NBAS: variants seen among roughly 807,000 people sequenced by gnomAD.
The protein encoded by NBAS is NBAS subunit of NRZ tethering complex.
Under a neutral mutation model 302.5 loss-of-function variants are expected in NBAS, and 219 were observed. The ratio of observed to expected loss-of-function variants is 0.72; its 90% CI spans 0.65 to 0.81. The LOEUF (loss-of-function observed/expected upper bound fraction) is 0.81. NBAS is among the 30% of genes least tolerant of loss of function. NBAS has a pLI of 0.00. For missense variants in NBAS, 2,932 were observed against 2,841.6 expected (o/e 1.03, Z -0.72); for synonymous variants, 1,118 against 1,021.6 (o/e 1.09, Z -1.80).
chr2:15,163,818 C>A (rs1401157560), downstream of NBAS, among the ~76,000 whole-genome samples: 1 of 141,882 alleles, frequency 7.0e-6, no homozygotes, highest in African/African-American at 2.7e-5. Context: ...TTTTTTGAGA[C>A]AAGAGTCTCG....
the NBAS span, among the ~76,000 whole-genome samples, chr2:14,912,142 T>A: frequency 3.5e-4 from 53 of 152,248 alleles, no homozygotes; most frequent in South Asian, 0.011. Flanking sequence ...TTGAAACATA[T>A]CTAAACATAG....
At chr2:15,157,644 T>C in the NBAS span, among the ~76,000 whole-genome samples, 1 of 152,178 alleles carries the variant, frequency 6.6e-6, no homozygotes. Context: ...CATCACAAGC[T>C]ACATCAAGCC....
At chr2:14,804,081 T>G in the NBAS span, among the ~76,000 whole-genome samples, 10 of 152,334 alleles carry the variant, frequency 6.6e-5, no homozygotes, top group African/African-American at 2.2e-4. Context: ...ATTTACCTAC[T>G]TGCTAAAATG....
chr2:15,064,371 AG>A, the NBAS span, among the ~76,000 whole-genome samples: 1 of 152,020 alleles, frequency 6.6e-6, no homozygotes, highest in Non-Finnish European at 1.5e-5. Context: ...AAGAGATCAC[AG>A]GACTACTATG....
the NBAS span, among the ~76,000 whole-genome samples, chr2:14,859,832 G>A: frequency 6.6e-6 from 1 of 151,724 alleles, no homozygotes. Context: ...CAGACAAATG[G>A]GATTACATCA....
chr2:15,139,501 GGTGTGTGT>G, the NBAS span, among the ~76,000 whole-genome samples: 1 of 148,544 alleles, frequency 6.7e-6, no homozygotes, highest in East Asian at 2.0e-4. Context: ...TTTAGTGTAT[GGTGTGTGT>G]GTGTGTGTGT....
At chr2:15,329,788 G>C (rs190499951) in intron 36 of NBAS, among the ~76,000 whole-genome samples, 1 of 152,116 alleles carries the variant, frequency 6.6e-6, no homozygotes, top group African/African-American at 2.4e-5. Flanking sequence ...ATCTCTGCTC[G>C]AAGTGACTCC....
chr2:15,269,056 C>G (rs1348111499), intron 44 of NBAS, among the ~76,000 whole-genome samples: 4 of 152,084 alleles, frequency 2.6e-5, no homozygotes, highest in Non-Finnish European at 5.9e-5. Context: ...TGGTTCTCAG[C>G]TGAAACAAAA....
chr2:15,309,744 CAAAAAG>C (rs1671195313), intron 38 of NBAS, among the ~76,000 whole-genome samples: 1 of 152,202 alleles, frequency 6.6e-6, no homozygotes, highest in African/African-American at 2.4e-5. Context: ...TCACGCTCCA[CAAAAAG>C]AAAATCAGTC....
chr2:14,820,859 G>T, the NBAS span, among the ~76,000 whole-genome samples: 3 of 152,112 alleles, frequency 2.0e-5, no homozygotes, highest in African/African-American at 7.2e-5. Flanking sequence ...GGCACAAGTG[G>T]CCAGGCCAGG....
At chr2:15,278,830 AT>A (rs1669703357) in intron 42 of NBAS, among the ~76,000 whole-genome samples, 1 of 152,220 alleles carries the variant, frequency 6.6e-6, no homozygotes. Flanking sequence ...GAAATCAATG[AT>A]AATGGAAGGC....
chr2:15,467,425 G>GTTA lies in NBAS; in HGVS notation c.2019-21_2019-19dup. On this transcript the variant is annotated intron_variant, in intron 18 of 51. Coordinates refer to ENST00000281513, the MANE Select transcript of NBAS (RefSeq NM_015909.4). ...GTGTCAACCTGTTTTGAATAACTAT[G>GTTA]TTAGGCCACTTATATTTACACAGAA... 6.3e-7 allele frequency: 1 copy of GTTA among 1,580,540 alleles called. No homozygotes were observed. Among genetic ancestry groups the GTTA allele is most frequent in the Non-Finnish European group, 8.7e-7 (1 of 1,149,788 alleles).
At chr2:14,952,162 CTGG>C in the NBAS span, among the ~76,000 whole-genome samples, 3 of 152,202 alleles carry the variant, frequency 2.0e-5, no homozygotes, top group Non-Finnish European at 4.4e-5. Flanking sequence ...CTCCAGGAAG[CTGG>C]TGCCCCAGTA....
At position 15,275,622 on chromosome 2, in the gene NBAS, G is replaced by A. The variant is rs1293166809; in HGVS notation, c.5586C>T (p.Leu1862=). Residue 1862 remains leucine, a synonymous_variant, in exon 44 of 52, where the codon CTC becomes CTT. Coordinates refer to ENST00000281513, the MANE Select transcript of NBAS (RefSeq NM_015909.4). ...GTGAAGAGCCTGGGACTTGTTTAAT[G>A]AGATGAGGGTCTCCAGTCCAGAACA... ...QKLFWTGDPH[L]IKQVPGSSPE... is the part of the protein sequence containing the mutation. The A allele has an allele frequency of 6.2e-7, 1 of 1,614,176 alleles. No homozygotes were observed. Among genetic ancestry groups the A allele is most frequent in the Admixed American group, 1.7e-5 (1 of 60,020 alleles).
In NBAS at chr2:15,534,816, G is replaced by T. The variant is rs1354588960; in HGVS notation, c.648-175C>A. On this transcript the variant is annotated intron_variant, in intron 8 of 51. Coordinates refer to ENST00000281513, the MANE Select transcript of NBAS (RefSeq NM_015909.4). ...GAGAAGGTAATTGATAAAACCACTTGGTAAAAAGTGTAGTTTTTTATAAAA... is the reference window on the plus strand; with the variant it reads ...GAGAAGGTAATTGATAAAACCACTTTGTAAAAAGTGTAGTTTTTTATAAAA... Among the ~76,000 whole-genome samples, 4 of 152,180 alleles carry T rather than the reference G, an allele frequency of 2.6e-5. No homozygotes were observed. The East Asian group carries it at 7.7e-4, about 29-fold the overall frequency.
intron 12 of NBAS, among the ~76,000 whole-genome samples, chr2:15,482,074 A>G (rs537066106): frequency 6.6e-6 from 1 of 152,246 alleles, no homozygotes; most frequent in African/African-American, 2.4e-5. Flanking sequence ...TCATATTTTT[A>G]CAAGGCTGTC....
chr2:14,788,328 G>A, the NBAS span, among the ~76,000 whole-genome samples: 2 of 152,198 alleles, frequency 1.3e-5, no homozygotes, highest in Non-Finnish European at 1.5e-5. Flanking sequence ...ACTCGTCAAA[G>A]TCATTCTCCA....
chr2:14,817,441 G>A, the NBAS span, among the ~76,000 whole-genome samples: 51 of 152,286 alleles, frequency 3.3e-4, no homozygotes, highest in Non-Finnish European at 6.6e-4. Context: ...CCTGTCTTCT[G>A]TATGAGACAA....
intron 40 of NBAS, among the ~76,000 whole-genome samples, chr2:15,302,633 C>G (rs1670854829): frequency 1.3e-5 from 2 of 152,118 alleles, no homozygotes; most frequent in South Asian, 4.2e-4. Flanking sequence ...GGAACACTTT[C>G]AAAGGAAGAG....
Sources: gnomAD v4.1 joint callset for allele counts (sites outside exome capture counted in the v4.1 genomes callset) on GRCh38, gnomAD v4.1.1 for gene constraint, MANE v1.5 for transcripts, NCBI Gene and HGNC (gene_info 2026-07-23, HGNC 2026-07-21) for gene names.